The following AGPS variants were observed in gnomAD, a reference collection of about 807,000 sequenced individuals.
AGPS encodes alkyldihydroxyacetonephosphate synthase, peroxisomal.
AGPS carries 26 observed loss-of-function variants against 90.7 expected under a neutral mutation model. That is an observed-to-expected ratio of 0.29 (90% confidence interval 0.21 to 0.40). The LOEUF (loss-of-function observed/expected upper bound fraction) is 0.40. Ranked by LOEUF, AGPS falls within the 10% of genes least tolerant of loss-of-function variation. The pLI is 1.00. For synonymous variants in AGPS, 294 were observed against 285.3 expected, an observed-to-expected ratio of 1.03 and a Z score of -0.31; for missense variants, 540 against 816.1, an observed-to-expected ratio of 0.66 and a Z score of 4.12.
intron 2 of AGPS, among the ~76,000 whole-genome samples, chr2:177,423,919 T>G (rs541415540): frequency 1.1e-4 from 17 of 152,262 alleles, no homozygotes; most frequent in Admixed American, 9.8e-4. Flanking sequence ...AAGGCAATAC[T>G]CTGGAGCCAA....
intron 10 of AGPS, among the ~76,000 whole-genome samples, chr2:177,471,736 A>T (rs917593043): frequency 6.6e-6 from 1 of 152,168 alleles, no homozygotes; most frequent in South Asian, 2.1e-4. Context: ...GCACATTTAT[A>T]TATCCCCAGA....
chr2:177,514,011 A>G (rs1015504427), intron 17 of AGPS, 103 bp downstream of exon 17: 3 of 874,438 alleles, frequency 3.4e-6, no homozygotes, highest in Admixed American at 2.1e-5. Context: ...GCTTCAGTCT[A>G]TTACATTTGG....
intron 11 of AGPS, among the ~76,000 whole-genome samples, chr2:177,484,838 A>G (rs1357950129): frequency 6.6e-6 from 1 of 152,138 alleles, no homozygotes; most frequent in South Asian, 2.1e-4. Flanking sequence ...TCACAGCTCA[A>G]CGCAGCCTCT....
chr2:177,502,552 G>T (rs111697720), intron 14 of AGPS, among the ~76,000 whole-genome samples: 3 of 151,658 alleles, frequency 2.0e-5, no homozygotes, highest in African/African-American at 7.3e-5. Context: ...GAGTAGCTGG[G>T]ACTACAGGTG....
chr2:177,495,867 G>A (rs1688397337), intron 12 of AGPS, among the ~76,000 whole-genome samples: 2 of 139,304 alleles, frequency 1.4e-5, no homozygotes, highest in African/African-American at 2.7e-5. Context: ...GCTGTGAGCC[G>A]AGATCACACC....
At chr2:177,442,876 G>T (rs529687171) in intron 7 of AGPS, among the ~76,000 whole-genome samples, 1 of 147,662 alleles carries the variant, frequency 6.8e-6, no homozygotes, top group Non-Finnish European at 1.5e-5. Flanking sequence ...TGTTTTAAAT[G>T]TATTTCATCA....
At chr2:177,452,291 C>T (rs1686974619) in intron 8 of AGPS, among the ~76,000 whole-genome samples, 1 of 152,142 alleles carries the variant, frequency 6.6e-6, no homozygotes, top group South Asian at 2.1e-4. Context: ...AAACCTCCAA[C>T]AGTAATTGTA....
chr2:177,501,198 A>G (rs1688551416), intron 14 of AGPS, among the ~76,000 whole-genome samples: 1 of 152,122 alleles, frequency 6.6e-6, no homozygotes, highest in African/African-American at 2.4e-5. Context: ...TTATCATTTA[A>G]ATAACTGTAT....
intron 19 of AGPS, among the ~76,000 whole-genome samples, chr2:177,531,072 T>G (rs2079132644): frequency 6.6e-6 from 1 of 152,188 alleles, no homozygotes; most frequent in Non-Finnish European, 1.5e-5. Context: ...CTGTTACCTT[T>G]TTTTGGTAGT....
At chr2:177,411,021 C>T (rs1294710558) in intron 1 of AGPS, among the ~76,000 whole-genome samples, 4 of 152,134 alleles carry the variant, frequency 2.6e-5, no homozygotes, top group South Asian at 2.1e-4. Context: ...CCCAGCCTTT[C>T]GGTGTTCCAG....
intron 12 of AGPS, among the ~76,000 whole-genome samples, chr2:177,493,609 C>T (rs564540793): frequency 2.6e-5 from 4 of 152,272 alleles, no homozygotes; most frequent in African/African-American, 9.6e-5. Flanking sequence ...TGTTAGGGGA[C>T]TTCAAATTGT....
At chr2:177,405,971 C>T (rs962788814) in intron 1 of AGPS, among the ~76,000 whole-genome samples, 1 of 152,106 alleles carries the variant, frequency 6.6e-6, no homozygotes, top group Non-Finnish European at 1.5e-5. Context: ...ATTTTAGTCT[C>T]CAATCTCAGT....
At chr2:177,423,797 T>A (rs543029785) in intron 2 of AGPS, among the ~76,000 whole-genome samples, 16 of 152,286 alleles carry the variant, frequency 1.1e-4, no homozygotes, top group African/African-American at 3.8e-4. Flanking sequence ...GAGCAGTCTA[T>A]CTTCTGAACA....
At chr2:177,440,006 T>C (rs1201469484) in intron 5 of AGPS, among the ~76,000 whole-genome samples, 1 of 152,172 alleles carries the variant, frequency 6.6e-6, no homozygotes, top group Non-Finnish European at 1.5e-5. Flanking sequence ...AAAGGAATTA[T>C]GTGCAGTGTA....
chr2:177,500,227 A>G (rs1032433389), intron 14 of AGPS, among the ~76,000 whole-genome samples: 2 of 152,050 alleles, frequency 1.3e-5, no homozygotes, highest in Admixed American at 6.5e-5. Flanking sequence ...AACAGAAAAC[A>G]TTTCACATCT....
At chr2:177,469,459 G>A (rs950462493) in intron 10 of AGPS, among the ~76,000 whole-genome samples, 3 of 152,130 alleles carry the variant, frequency 2.0e-5, no homozygotes, top group Non-Finnish European at 2.9e-5. Context: ...TTGTTTGGCT[G>A]ATGACCAGTA....
At chr2:177,511,899 C>T (rs1688884819) in intron 16 of AGPS, among the ~76,000 whole-genome samples, 1 of 152,124 alleles carries the variant, frequency 6.6e-6, no homozygotes, top group Non-Finnish European at 1.5e-5. Context: ...ATATAAGGAG[C>T]TCTTAATATT....
At chr2:177,488,018 G>A (rs6433670) in intron 11 of AGPS, among the ~76,000 whole-genome samples, 107,308 of 151,934 alleles carry the variant, frequency 0.71, 38,285 homozygotes, top group Admixed American at 0.78. Flanking sequence ...TTTATCATAC[G>A]GACTCCTAGC....
chr2:177,409,242 T>G (rs944625923), intron 1 of AGPS, among the ~76,000 whole-genome samples: 5 of 151,164 alleles, frequency 3.3e-5, no homozygotes, highest in African/African-American at 1.2e-4. Context: ...TTTTTTTTTC[T>G]CACAATTGCA....
Sources: gnomAD v4.1 joint callset for allele counts (sites outside exome capture counted in the v4.1 genomes callset) on GRCh38, gnomAD v4.1.1 for gene constraint, MANE v1.5 for transcripts, NCBI Gene and HGNC (gene_info 2026-07-23, HGNC 2026-07-21) for gene names.